Variants in ROBO2 observed in about 807,000 individuals in gnomAD.
The protein encoded by ROBO2 is roundabout homolog 2.
Under a neutral mutation model 160.8 loss-of-function variants are expected in ROBO2, and 53 were observed. The ratio of observed to expected loss-of-function variants is 0.33; its 90% confidence interval spans 0.26 to 0.41. The LOEUF is 0.41. ROBO2 is among the 10% of genes least tolerant of loss of function. ROBO2 has a pLI of 1.00. For synonymous variants in ROBO2, 664 were observed against 611.7 expected, an observed-to-expected ratio of 1.09 and a Z score of -1.26; for missense variants, 1,577 against 1,722.4, an observed-to-expected ratio of 0.92 and a Z score of 1.49.
chr3:75,984,663 A>AT (rs2065365609), intron 2 of ROBO2, among the ~76,000 whole-genome samples: 1 of 151,490 alleles, frequency 6.6e-6, no homozygotes, highest in Non-Finnish European at 1.5e-5. Flanking sequence ...GCATACATCT[A>AT]TAAGTACATG....
At chr3:77,490,942 T>C (rs1340309769) in intron 4 of ROBO2, among the ~76,000 whole-genome samples, 1 of 152,214 alleles carries the variant, frequency 6.6e-6, no homozygotes, top group Non-Finnish European at 1.5e-5. Flanking sequence ...CTCTTCTAAT[T>C]TATCTTTCAC....
At chr3:77,239,708 T>C (rs1035390808) in intron 2 of ROBO2, among the ~76,000 whole-genome samples, 4 of 152,134 alleles carry the variant, frequency 2.6e-5, no homozygotes, top group African/African-American at 7.2e-5. Flanking sequence ...GATGTAAAAG[T>C]TCTCCAAGTC....
intron 2 of ROBO2, among the ~76,000 whole-genome samples, chr3:76,067,728 C>T (rs1014637814): frequency 3.9e-5 from 6 of 152,068 alleles, no homozygotes; most frequent in African/African-American, 1.4e-4. Context: ...TATGAGAAAT[C>T]TCATTGAAAA....
At chr3:77,636,751 A>G (rs1403045702) in intron 24 of ROBO2, among the ~76,000 whole-genome samples, 2 of 152,226 alleles carry the variant, frequency 1.3e-5, no homozygotes, top group African/African-American at 2.4e-5. Context: ...ATAGCATCCA[A>G]CATTTGAATA....
intron 2 of ROBO2, among the ~76,000 whole-genome samples, chr3:77,287,898 C>A (rs1014217589): frequency 4.6e-5 from 7 of 152,062 alleles, no homozygotes; most frequent in Admixed American, 4.6e-4. Context: ...AAAATAACCA[C>A]GTACAGATTT....
At chr3:76,154,164 G>A (rs548023127) in intron 2 of ROBO2, among the ~76,000 whole-genome samples, 2 of 152,222 alleles carry the variant, frequency 1.3e-5, no homozygotes, top group South Asian at 2.1e-4. Context: ...TCAGAACCGC[G>A]CTTTGGTAAC....
intron 2 of ROBO2, among the ~76,000 whole-genome samples, chr3:77,468,356 T>C (rs1339066222): frequency 6.6e-6 from 1 of 152,188 alleles, no homozygotes; most frequent in African/African-American, 2.4e-5. Flanking sequence ...GTCACCAGTT[T>C]GCAGTGCCAC....
At chr3:77,050,280 C>CT (rs2065084066) in intron 1 of ROBO2, among the ~76,000 whole-genome samples, 1 of 151,852 alleles carries the variant, frequency 6.6e-6, no homozygotes, top group African/African-American at 2.4e-5. Flanking sequence ...AGCATTTCAC[C>CT]TTCCTCATCT....
rs1234493951 is a variant in ROBO2 at position 77,449,944 on chromosome 3, A to C, written c.389-27470A>C. Among the ~76,000 whole-genome samples, 4 of 152,230 alleles carry C rather than the reference A, an allele frequency of 2.6e-5. No homozygotes were observed. In the East Asian group the frequency reaches 7.7e-4, roughly 29 times the overall value. On this transcript the variant is annotated intron_variant, in intron 2 of 25. Transcript: ENST00000461745. ...AACTGACCACAGAGTAAAAATAATA[A>C]ATCTGCCATCTGCCTGTCAATAGAA...
chr3:77,604,387 T>C (rs1052110358), intron 20 of ROBO2, among the ~76,000 whole-genome samples: 20 of 152,328 alleles, frequency 1.3e-4, no homozygotes, highest in Middle Eastern at 3.4e-3. Context: ...TAAATCTATA[T>C]ACTATAATCC....
intron 2 of ROBO2, among the ~76,000 whole-genome samples, chr3:77,269,158 A>C (rs2059327063): frequency 6.6e-6 from 1 of 152,172 alleles, no homozygotes. Context: ...CTATAGTGAA[A>C]ATCCAGCTTT....
At chr3:76,662,708 G>A (rs1031846620) in intron 2 of ROBO2, among the ~76,000 whole-genome samples, 10 of 152,138 alleles carry the variant, frequency 6.6e-5, no homozygotes, top group African/African-American at 2.4e-4. Flanking sequence ...GAGAGAGAAG[G>A]AAATGCAGTG....
rs867979331 is a variant in ROBO2 at position 76,272,866 on chromosome 3, A to T, written c.109+335264A>T. Among the ~76,000 whole-genome samples, 15 of 76,840 alleles carry T rather than the reference A, an allele frequency of 2.0e-4. 1 individual carries two copies. Among genetic ancestry groups the T allele is most frequent in the Admixed American group, 5.1e-4 (2 of 3,892 alleles). The allele number at this position is 76,840 out of a possible 152,430, so 50.4% of individuals were successfully genotyped here. ...TATATATTATATATAAAATATATAA[A>T]ATATATAATATATATTTATATATAA... On this transcript the variant is annotated intron_variant, in intron 2 of 26. Transcript: ENST00000487694.
chr3:77,438,343 C>G (rs2079538790), intron 2 of ROBO2, among the ~76,000 whole-genome samples: 1 of 151,896 alleles, frequency 6.6e-6, no homozygotes, highest in African/African-American at 2.4e-5. Flanking sequence ...TGACTACCCA[C>G]TTAGACTGAT....
chr3:76,045,341 C>G (rs558375871), intron 2 of ROBO2, among the ~76,000 whole-genome samples: 34 of 151,982 alleles, frequency 2.2e-4, no homozygotes, highest in Non-Finnish European at 4.4e-4. Context: ...ACTACTTTCT[C>G]ACATTCCACT....
intron 6 of ROBO2, among the ~76,000 whole-genome samples, chr3:77,536,941 T>C (rs979698894): frequency 3.3e-5 from 5 of 152,164 alleles, no homozygotes; most frequent in African/African-American, 1.2e-4. Context: ...TTGAACTGAG[T>C]TAACTCTTTT....
intron 2 of ROBO2, among the ~76,000 whole-genome samples, chr3:77,200,539 T>C (rs186016272): frequency 6.6e-6 from 1 of 151,952 alleles, no homozygotes; most frequent in East Asian, 2.0e-4. Context: ...TTGTGTTATG[T>C]GCAGGCTGAG....
At chr3:76,096,455 C>T (rs570469785) in intron 2 of ROBO2, among the ~76,000 whole-genome samples, 22 of 152,138 alleles carry the variant, frequency 1.4e-4, no homozygotes, top group African/African-American at 5.1e-4. Flanking sequence ...TTTTAATTAC[C>T]TCCAATTCAA....
At chr3:76,938,854 C>A (rs1403261311) in intron 2 of ROBO2, among the ~76,000 whole-genome samples, 2 of 151,784 alleles carry the variant, frequency 1.3e-5, no homozygotes, top group Non-Finnish European at 2.9e-5. Context: ...GCCTGTAATC[C>A]CAGCTACTGG....
Sources: gnomAD v4.1 joint callset for allele counts (sites outside exome capture counted in the v4.1 genomes callset) on GRCh38, gnomAD v4.1.1 for gene constraint, MANE v1.5 for transcripts, NCBI Gene and HGNC (gene_info 2026-07-23, HGNC 2026-07-21) for gene names.